ZFHX3: variants seen among roughly 807,000 people sequenced by gnomAD.
The protein encoded by ZFHX3 is zinc finger homeobox protein 3.
A neutral mutation model predicts 279.1 loss-of-function variants in ZFHX3; 42 were observed. The ratio of observed to expected loss-of-function variants is 0.15; its 90% CI spans 0.12 to 0.19. ZFHX3 has a LOEUF of 0.19. ZFHX3 is among the 10% of genes least tolerant of loss of function. The probability of loss-of-function intolerance (pLI) is 1.00; values close to 1 mark genes in which losing one functional copy is unlikely to be tolerated. For synonymous variants in ZFHX3, 2,293 were observed against 1,957.8 expected (o/e 1.17, Z -4.52); for missense variants, 4,981 against 4,754.0 (o/e 1.05, Z -1.40).
chr16:73,145,219 G>A (rs993150539), intron 5 of ZFHX3, among the ~76,000 whole-genome samples: 18 of 152,124 alleles, frequency 1.2e-4, no homozygotes, highest in Non-Finnish European at 2.1e-4. Context: ...GGTGACCAGA[G>A]AGCCCTGCTC....
intron 3 of ZFHX3, among the ~76,000 whole-genome samples, chr16:73,371,624 C>T (rs974431919): frequency 6.6e-6 from 1 of 152,028 alleles, no homozygotes; most frequent in African/African-American, 2.4e-5. Context: ...CCCCTCAGTC[C>T]ATCTTGGTTT....
chr16:73,184,022 T>C (rs185907088), intron 5 of ZFHX3, among the ~76,000 whole-genome samples: 2 of 152,258 alleles, frequency 1.3e-5, no homozygotes, highest in East Asian at 3.9e-4. Flanking sequence ...ATGCGGACCA[T>C]GTGTCTCTAA....
chr16:72,958,135 G>A lies in ZFHX3; in HGVS notation c.2011C>T (p.Leu671Phe). 1 of 1,614,210 alleles carries A rather than the reference G, an allele frequency of 6.2e-7. No individual in the cohort carries two copies. Among genetic ancestry groups the A allele is most frequent in the Non-Finnish European group, 8.5e-7 (1 of 1,180,042 alleles). The change falls in exon 2 of 10, where the codon CTC (leucine) becomes TTC (phenylalanine). Residue 671 changes from leucine (L) to phenylalanine (F), a missense_variant. By Grantham distance (22) the Leu-to-Phe change is conservative. Around this residue, in one of 7 missense-constraint regions of ZFHX3, gnomAD observed 1,068 missense variants for 935.2 expected, o/e 1.14. Coordinates refer to ENST00000268489, the MANE Select transcript of ZFHX3 (RefSeq NM_006885.4). ...TGCCAGTTGCACTTGGGGCACTTGAGTGTCTTACACGAGTTACGAGAATGC... is the reference window on the plus strand; with the variant it reads ...TGCCAGTTGCACTTGGGGCACTTGAATGTCTTACACGAGTTACGAGAATGC... The part of the protein sequence containing the change: ...MMHSRNSCKT[L>F]KCPKCNWHYK...
rs1476137598 is a variant in ZFHX3, at chr16:72,797,294, G to A, written c.5388C>T (p.Leu1796=). ...TLLQLQQQQH[L]LFPFYIPSAE... ...CACTGGGGATGTAGAAAGGGAAGAG[G>A]AGGTGCTGCTGCTGCTGTAGTTGCA... The change falls in exon 9 of 10, where the codon CTC becomes CTT. Residue 1796 remains leucine (L), a synonymous_variant. Coordinates refer to ENST00000268489, the MANE Select transcript of ZFHX3 (RefSeq NM_006885.4). 1.2e-6 allele frequency: 2 copies of A among 1,608,758 alleles called. No homozygotes were observed. The highest frequency in any genetic ancestry group is 1.7e-6 in the Non-Finnish European group (2 of 1,176,864).
At chr16:73,034,664 T>C (rs1567643386) in intron 1 of ZFHX3, among the ~76,000 whole-genome samples, 1 of 152,184 alleles carries the variant, frequency 6.6e-6, no homozygotes, top group Admixed American at 6.5e-5. Flanking sequence ...AGTAAGTCTG[T>C]TGTAACAAAC....
chr16:73,034,675 A>T (rs117568340), intron 1 of ZFHX3, among the ~76,000 whole-genome samples: 2,252 of 152,306 alleles, frequency 0.015, 19 homozygotes, highest in Middle Eastern at 0.024. Flanking sequence ...TGTAACAAAC[A>T]CACTAGCACT....
At chr16:73,465,371 C>T (rs768241188) in intron 2 of ZFHX3, among the ~76,000 whole-genome samples, 1 of 152,164 alleles carries the variant, frequency 6.6e-6, no homozygotes, top group Non-Finnish European at 1.5e-5. Context: ...AGGGGAATCT[C>T]TTCTGTATCA....
intron 2 of ZFHX3, among the ~76,000 whole-genome samples, chr16:73,460,383 G>C (rs1463182252): frequency 3.3e-5 from 5 of 152,100 alleles, no homozygotes; most frequent in South Asian, 4.2e-4. Context: ...AGGACAACTG[G>C]ATTGTTTCTA....
At chr16:73,419,236 T>G (rs2143486150) in intron 3 of ZFHX3, among the ~76,000 whole-genome samples, 1 of 152,310 alleles carries the variant, frequency 6.6e-6, no homozygotes, top group East Asian at 1.9e-4. Context: ...GTATGCTAAG[T>G]GCGCCATAGA....
At chr16:73,545,128 G>A (rs1412449150) in intron 2 of ZFHX3, among the ~76,000 whole-genome samples, 1 of 151,806 alleles carries the variant, frequency 6.6e-6, no homozygotes, top group Non-Finnish European at 1.5e-5. Flanking sequence ...CCCCTCGGAA[G>A]CTAAAGAGAG....
At chr16:73,140,272 A>G (rs375312655) in intron 6 of ZFHX3, among the ~76,000 whole-genome samples, 4 of 152,274 alleles carry the variant, frequency 2.6e-5, no homozygotes, top group African/African-American at 9.6e-5. Flanking sequence ...AAAAAAAGGT[A>G]TAAAATAAAA....
chr16:73,197,568 C>G (rs1191089504), intron 5 of ZFHX3, among the ~76,000 whole-genome samples: 1 of 152,204 alleles, frequency 6.6e-6, no homozygotes, highest in Non-Finnish European at 1.5e-5. Context: ...TAAACCACTT[C>G]CCCATGACTT....
chr16:73,669,551 A>G (rs1195911497), intron 2 of ZFHX3, among the ~76,000 whole-genome samples: 2 of 152,222 alleles, frequency 1.3e-5, no homozygotes, highest in African/African-American at 4.8e-5. Flanking sequence ...AAAGAAGCCA[A>G]CCACCTGAAA....
intron 3 of ZFHX3, among the ~76,000 whole-genome samples, chr16:73,447,219 T>C (rs960256498): frequency 6.7e-6 from 1 of 150,362 alleles, no homozygotes; most frequent in Non-Finnish European, 1.5e-5. Flanking sequence ...AAAACCTCTC[T>C]GCTCCAACAT....
chr16:73,797,397 G>T (rs1002238468), intron 1 of ZFHX3, among the ~76,000 whole-genome samples: 1 of 152,202 alleles, frequency 6.6e-6, no homozygotes, highest in African/African-American at 2.4e-5. Flanking sequence ...TCATGAACCT[G>T]TGTTTCTGGA....
intron 1 of ZFHX3, among the ~76,000 whole-genome samples, chr16:73,810,383 T>C (rs540694268): frequency 7.9e-5 from 12 of 152,322 alleles, no homozygotes; most frequent in Middle Eastern, 3.4e-3. Context: ...CAAATAAAGG[T>C]TCTTTAAAAA....
chr16:73,090,911 G>GAAAAAAAAAAAAAA (rs57632636), intron 8 of ZFHX3, among the ~76,000 whole-genome samples: 2 of 108,320 alleles, frequency 1.8e-5, no homozygotes, highest in Admixed American at 9.2e-5. Context: ...ATCCCATATT[G>GAAAAAAAAAAAAAA]AAAAAAAAAA....
intron 4 of ZFHX3, among the ~76,000 whole-genome samples, chr16:73,296,885 T>TTTTTTTTTTG: frequency 7.0e-6 from 1 of 143,630 alleles, no homozygotes; most frequent in Non-Finnish European, 1.5e-5. Flanking sequence ...GAATTTTTTT[T>TTTTTTTTTTG]TTTTTTTTTT....
chr16:73,459,896 A>C (rs2018443369), intron 2 of ZFHX3, among the ~76,000 whole-genome samples: 1 of 152,216 alleles, frequency 6.6e-6, no homozygotes, highest in African/African-American at 2.4e-5. Context: ...TGATTCAATT[A>C]CTTCCACCTG....
Sources: allele counts gnomAD v4.1 joint callset (sites outside exome capture counted in the v4.1 genomes callset), GRCh38; gene constraint gnomAD v4.1.1; regional missense constraint gnomAD v4.1.1; transcripts MANE v1.5; gene names NCBI Gene and HGNC (gene_info 2026-07-23, HGNC 2026-07-21).